LRRC4C: variants seen among roughly 807,000 people sequenced by gnomAD.
LRRC4C encodes the protein leucine rich repeat containing 4C.
Under a neutral mutation model 33.6 loss-of-function variants are expected in LRRC4C, and 5 were observed. The observed-to-expected ratio is 0.15, with a 90% CI of 0.08 to 0.31. The LOEUF (loss-of-function observed/expected upper bound fraction) is 0.31. LRRC4C is among the 10% of genes least tolerant of loss of function. The pLI is 1.00. For synonymous variants in LRRC4C, 329 were observed against 302.0 expected, an observed-to-expected ratio of 1.09 and a Z score of -0.93; for missense variants, 560 against 796.7, an observed-to-expected ratio of 0.70 and a Z score of 3.58.
rs182251503 is a variant in LRRC4C, at chr11:40,620,099, G to A, written c.-270+28043C>T. On this transcript the variant is annotated intron_variant, in intron 3 of 6. Transcript: ENST00000528697. ...AAGAATGAGCCGAGCTGAGAGCTGA[G>A]CTGATTTTGTTTTGCAGTGTGGTCT... Among the ~76,000 whole-genome samples the A allele has an allele frequency of 3.0e-3, 457 of 150,276 alleles. 5 individuals are homozygous for A. The highest frequency in any genetic ancestry group is 0.011 in the African/African-American group (435 of 41,086).
At chr11:40,254,538 A>G (rs1028868081) in intron 4 of LRRC4C, among the ~76,000 whole-genome samples, 4 of 152,226 alleles carry the variant, frequency 2.6e-5, no homozygotes, top group African/African-American at 9.6e-5. Context: ...TGTTATTCTT[A>G]GGTCTATCTA....
intron 1 of LRRC4C, among the ~76,000 whole-genome samples, chr11:41,030,470 G>T (rs1350914): frequency 0.14 from 20,750 of 151,710 alleles, 1,532 homozygotes; most frequent in Middle Eastern, 0.2. Flanking sequence ...CAAAAGCCTA[G>T]ACAGAATTGC....
chr11:41,404,762 A>T (rs979590711), intron 1 of LRRC4C, among the ~76,000 whole-genome samples: 2 of 152,026 alleles, frequency 1.3e-5, no homozygotes, highest in African/African-American at 4.8e-5. Context: ...TAGTCATAGG[A>T]TATTTCAGAC....
In LRRC4C at chr11:41,440,020, G is replaced by A. The variant is rs372279261; in HGVS notation, c.-496+19411C>T. Among the ~76,000 whole-genome samples, 4 of 152,056 alleles carry A rather than the reference G, an allele frequency of 2.6e-5. No homozygotes were observed. In the East Asian group the frequency reaches 7.7e-4, roughly 29 times the overall value. Reference sequence around the variant, plus strand: ...GTCAAATTTGTCTAGTTTTATTTTTGTGGCCTTTGTTTTTGCAGCCTTAGT... The same window carrying A: ...GTCAAATTTGTCTAGTTTTATTTTTATGGCCTTTGTTTTTGCAGCCTTAGT... On this transcript the variant is annotated intron_variant, in intron 1 of 6. Transcript: ENST00000528697.
At chr11:40,716,323 CTTTTA>C (rs1280860755) in intron 2 of LRRC4C, among the ~76,000 whole-genome samples, 1 of 151,884 alleles carries the variant, frequency 6.6e-6, no homozygotes, top group African/African-American at 2.4e-5. Flanking sequence ...TATAAATATT[CTTTTA>C]TATCTACTTG....
At chr11:40,201,561 A>G (rs993338808) in intron 5 of LRRC4C, among the ~76,000 whole-genome samples, 6 of 151,800 alleles carry the variant, frequency 4.0e-5, no homozygotes, top group African/African-American at 1.5e-4. Context: ...CTATTCAACA[A>G]CTCCACCCAC....
Position 40,973,664 on chromosome 11 carries a change from C to A in LRRC4C, c.-495-39941G>T, listed in dbSNP as rs76092388. ...ATTATTTTAAAAAATAGTGTAAATT[C>A]TAATACTAGGAGAAAAATCATCATT... On this transcript the variant is annotated intron_variant, in intron 1 of 6. Transcript: ENST00000528697. Among the ~76,000 whole-genome samples, 1,278 of 152,056 alleles carry A rather than the reference C, an allele frequency of 8.4e-3. 26 individuals are homozygous for A. The highest frequency in any genetic ancestry group is 0.029 in the African/African-American group (1,199 of 41,458).
chr11:40,449,465 C>T (rs916311928), intron 3 of LRRC4C, among the ~76,000 whole-genome samples: 5 of 152,024 alleles, frequency 3.3e-5, no homozygotes, highest in African/African-American at 7.2e-5. Flanking sequence ...CTTTCATTTA[C>T]TCTAGTGATG....
At position 40,269,259 on chromosome 11, in the gene LRRC4C, A is replaced by G. The variant is rs1167192591; in HGVS notation, c.-175-27661T>C. 5.9e-5 allele frequency among the ~76,000 whole-genome samples: 9 copies of G among 152,202 alleles called. 1 individual carries two copies. Among genetic ancestry groups the G allele is most frequent in the Admixed American group, 3.9e-4 (6 of 15,270 alleles). The stretch of plus-strand genomic sequence containing the variant: ...TATTTAGCTTAAACAGTGTTCCACT[A>G]CAAAGAACATATTGAAAGTAAATAT... On this transcript the variant is annotated intron_variant, in intron 4 of 6. Coordinates refer to ENST00000528697, the MANE Select transcript of LRRC4C (RefSeq NM_001258419.2).
intron 3 of LRRC4C, among the ~76,000 whole-genome samples, chr11:40,621,911 T>G (rs1254580143): frequency 6.6e-6 from 1 of 151,828 alleles, no homozygotes; most frequent in Non-Finnish European, 1.5e-5. Flanking sequence ...TCAGAAAAAC[T>G]GAGAAGTTAA....
chr11:40,854,777 T>A (rs1157462488), intron 2 of LRRC4C, among the ~76,000 whole-genome samples: 1 of 151,216 alleles, frequency 6.6e-6, no homozygotes, highest in East Asian at 1.9e-4. Context: ...TACACATATA[T>A]AATGTACATA....
At chr11:40,850,717 AG>A (rs1424039717) in intron 2 of LRRC4C, among the ~76,000 whole-genome samples, 3 of 152,194 alleles carry the variant, frequency 2.0e-5, no homozygotes, top group Admixed American at 2.0e-4. Flanking sequence ...AGTCTGCTGA[AG>A]TTGTACCCAC....
At chr11:40,152,587 C>G (rs188150724) in intron 5 of LRRC4C, among the ~76,000 whole-genome samples, 168 of 152,280 alleles carry the variant, frequency 1.1e-3, no homozygotes, top group Admixed American at 2.2e-3. Flanking sequence ...GAAACAGACT[C>G]CGGGCTGTTG....
At chr11:41,384,918 T>C (rs943093126) in intron 1 of LRRC4C, among the ~76,000 whole-genome samples, 2 of 150,054 alleles carry the variant, frequency 1.3e-5, no homozygotes, top group Admixed American at 6.6e-5. Context: ...TTTAGTATAC[T>C]ATACCATTTA....
chr11:40,679,153 G>A (rs899437748), intron 2 of LRRC4C, among the ~76,000 whole-genome samples: 2 of 152,160 alleles, frequency 1.3e-5, no homozygotes, highest in South Asian at 4.1e-4. Context: ...TTGCCCCTGC[G>A]CTATAGATTT....
intron 3 of LRRC4C, among the ~76,000 whole-genome samples, chr11:40,465,462 A>T (rs1952605746): frequency 6.6e-6 from 1 of 151,972 alleles, no homozygotes; most frequent in South Asian, 2.1e-4. Flanking sequence ...ATTTAATTAA[A>T]CTAAAAAACC....
intron 1 of LRRC4C, among the ~76,000 whole-genome samples, chr11:40,961,834 TA>T (rs922900079): frequency 3.4e-4 from 52 of 151,808 alleles, no homozygotes; most frequent in Non-Finnish European, 4.4e-4. Flanking sequence ...CCATTCATTT[TA>T]AAAAAACCTT....
chr11:40,471,840 C>T lies in LRRC4C; in HGVS notation c.-269-152119G>A, dbSNP rs560789823. 2.0e-5 allele frequency among the ~76,000 whole-genome samples: 3 copies of T among 152,280 alleles called. No homozygotes were observed. In the South Asian group the frequency reaches 6.2e-4, roughly 32 times the overall value. On this transcript the variant is annotated intron_variant, in intron 3 of 6. Transcript: ENST00000528697. Reference sequence around the variant, plus strand: ...TAACAGACATCTACAGAACTCTCCACCACAAATCAACAGAATATACATTCT... The same window carrying T: ...TAACAGACATCTACAGAACTCTCCATCACAAATCAACAGAATATACATTCT...
rs71466923 is a variant in LRRC4C, at chr11:41,163,284, G to GTTTTTTTTTTTTTTTTTTTTTTTT, written c.-495-229562_-495-229561insAAAAAAAAAAAAAAAAAAAAAAAA. ...GTAATAAACTTAGTTTACTGTAACT[G>GTTTTTTTTTTTTTTTTTTTTTTTT]TTTTTTTTTTTTTTTTTCAAACAGG... On this transcript the variant is annotated intron_variant, in intron 1 of 6. Transcript: ENST00000528697. Among the ~76,000 whole-genome samples, 6 of 73,382 alleles carry GTTTTTTTTTTTTTTTTTTTTTTTT rather than the reference G, an allele frequency of 8.2e-5. 1 individual carries two copies. Among genetic ancestry groups the GTTTTTTTTTTTTTTTTTTTTTTTT allele is most frequent in the African/African-American group, 1.5e-4 (3 of 19,856 alleles). The allele number at this position is 73,382 out of a possible 152,430, so 48.1% of individuals were successfully genotyped here.
Sources: gnomAD v4.1 joint callset for allele counts (sites outside exome capture counted in the v4.1 genomes callset) on GRCh38, gnomAD v4.1.1 for gene constraint, MANE v1.5 for transcripts, NCBI Gene and HGNC (gene_info 2026-07-23, HGNC 2026-07-21) for gene names.